ANK2: variants seen among roughly 807,000 people sequenced by gnomAD.
ANK2 encodes ankyrin-2.
In ANK2, 83 loss-of-function variants were observed where a neutral mutation model predicts 360.5. The observed-to-expected ratio is 0.23, with a 90% CI of 0.19 to 0.28. The LOEUF is 0.28. Among genes scored for constraint, ANK2 ranks in the 10% least tolerant of loss-of-function variants. The pLI is 1.00. For missense variants in ANK2, 4,201 were observed against 4,795.7 expected, an observed-to-expected ratio of 0.88 and a Z score of 3.66; for synonymous variants, 1,740 against 1,759.5, an observed-to-expected ratio of 0.99 and a Z score of 0.28.
upstream of ANK2, among the ~76,000 whole-genome samples, chr4:112,813,264 A>T (rs1317104469): frequency 2.6e-5 from 4 of 151,658 alleles, no homozygotes; most frequent in East Asian, 7.7e-4. Flanking sequence ...CAAAAAAAAA[A>T]TCTGGTCATT....
intron 1 of ANK2, among the ~76,000 whole-genome samples, chr4:113,092,062 A>G (rs188656443): frequency 6.6e-6 from 1 of 151,882 alleles, no homozygotes; most frequent in Non-Finnish European, 1.5e-5. Flanking sequence ...TTTCCTTATA[A>G]AACAAAATCA....
chr4:112,951,011 G>A (rs2094931926), intron 2 of ANK2, among the ~76,000 whole-genome samples: 1 of 148,252 alleles, frequency 6.7e-6, no homozygotes, highest in Non-Finnish European at 1.5e-5. Context: ...GAACCCGGGA[G>A]GCGGAGCTTG....
intron 2 of ANK2, among the ~76,000 whole-genome samples, chr4:113,186,586 CTT>C (rs1491225148): frequency 2.1e-3 from 103 of 48,710 alleles, no homozygotes; most frequent in Admixed American, 3.1e-3. Flanking sequence ...CTCTCTCTCT[CTT>C]CTCTCTCTCT....
intron 1 of ANK2, among the ~76,000 whole-genome samples, chr4:113,128,145 T>C (rs559315308): frequency 1.5e-3 from 231 of 152,296 alleles, no homozygotes; most frequent in African/African-American, 5.2e-3. Context: ...TAAATAAAAA[T>C]GTGATCTTTC....
At chr4:113,188,640 C>T (rs536113170) in intron 2 of ANK2, among the ~76,000 whole-genome samples, 1 of 152,214 alleles carries the variant, frequency 6.6e-6, no homozygotes, top group Non-Finnish European at 1.5e-5. Context: ...CCAGAATATG[C>T]TTCTATTAAT....
At chr4:113,205,109 T>G (rs905616911) in intron 4 of ANK2, among the ~76,000 whole-genome samples, 14 of 151,540 alleles carry the variant, frequency 9.2e-5, no homozygotes, top group South Asian at 4.2e-4. Flanking sequence ...AGTGGCGGGC[T>G]CCTGTAGTCC....
At chr4:112,897,018 G>A (rs969496928) in intron 1 of ANK2, among the ~76,000 whole-genome samples, 5 of 152,174 alleles carry the variant, frequency 3.3e-5, no homozygotes, top group East Asian at 1.9e-4. Flanking sequence ...TTCCTTGTCC[G>A]GCGCACTCTC....
In ANK2 at chr4:113,070,674, T is replaced by C. The variant is rs979330523; in HGVS notation, c.84+20862T>C. Among the ~76,000 whole-genome samples, 5 of 152,234 alleles carry C rather than the reference T, an allele frequency of 3.3e-5. No homozygotes were observed. In the East Asian group the frequency reaches 9.7e-4, roughly 29 times the overall value. ...ACTCTTTATTTTGTTGGGTAGCAAC[T>C]ACTCCTGCTTGTTCACCCGACATTA... is the stretch of plus-strand genomic sequence containing the variant. On this transcript the variant is annotated intron_variant, in intron 1 of 45. Coordinates refer to ENST00000357077, the MANE Select transcript of ANK2 (RefSeq NM_001148.6).
rs909970104 is a variant in ANK2 at position 113,317,954 on chromosome 4, T to G, written c.2796+145T>G. 3 of 773,008 alleles carry G rather than the reference T, an allele frequency of 3.9e-6. No individual in the cohort carries two copies. In the African/African-American group the frequency reaches 5.2e-5, roughly 13 times the overall value. 47.9% of individuals were successfully genotyped at this position (773,008 alleles called of 1,614,324 possible). A position where few individuals can be genotyped will look rare whatever the true frequency, so the allele number is the denominator to read the frequency against. On this transcript the variant is annotated intron_variant, in intron 25 of 45. Transcript: ENST00000357077. ...AAGCTAGGATAAGAGATTTGAGGGT[T>G]TTCCTAAAACATGAAAAATGTTCAC...
chr4:112,981,803 A>G (rs2043194556), intron 2 of ANK2, among the ~76,000 whole-genome samples: 2 of 152,220 alleles, frequency 1.3e-5, no homozygotes, highest in African/African-American at 4.8e-5. Context: ...GGAATTTGGA[A>G]TTGTGAAGTA....
chr4:113,240,429 G>A, intron 7 of ANK2, 56 bp from the exon 8 acceptor site: 1 of 1,329,474 alleles, frequency 7.5e-7, no homozygotes, highest in Non-Finnish European at 1.1e-6. Flanking sequence ...TAATACAATG[G>A]CTGCAACATA....
At chr4:112,711,446 C>T in the ANK2 span, among the ~76,000 whole-genome samples, 9 of 151,984 alleles carry the variant, frequency 5.9e-5, no homozygotes, top group Non-Finnish European at 8.8e-5. Flanking sequence ...TTGCTTGAGC[C>T]GGGGAGTTCA....
At chr4:112,795,231 T>A in the ANK2 span, among the ~76,000 whole-genome samples, 1 of 152,284 alleles carries the variant, frequency 6.6e-6, no homozygotes, top group East Asian at 1.9e-4. Flanking sequence ...GCCCCATCCC[T>A]AACACCCACT....
At chr4:112,966,459 G>T (rs1020272547) in intron 2 of ANK2, among the ~76,000 whole-genome samples, 4 of 151,514 alleles carry the variant, frequency 2.6e-5, no homozygotes, top group Admixed American at 6.6e-5. Flanking sequence ...ATGAGTAAGT[G>T]TGTGTGTGTG....
intron 1 of ANK2, among the ~76,000 whole-genome samples, chr4:112,856,637 A>G (rs1266526545): frequency 2.6e-5 from 4 of 152,244 alleles, no homozygotes; most frequent in Non-Finnish European, 5.9e-5. Context: ...CTGAGGCAGG[A>G]GAATCGCTTG....
chr4:112,873,622 C>T (rs565013554), intron 1 of ANK2, among the ~76,000 whole-genome samples: 80 of 150,682 alleles, frequency 5.3e-4, no homozygotes, highest in African/African-American at 1.8e-3. Context: ...CTGCAAGCTC[C>T]GCCTCCCGGG....
chr4:113,237,640 T>C lies in ANK2; in HGVS notation c.693+18T>C. The C allele has an allele frequency of 6.3e-7, 1 of 1,585,710 alleles. No individual in the cohort carries two copies. Among genetic ancestry groups the C allele is most frequent in the Non-Finnish European group, 8.7e-7 (1 of 1,154,246 alleles). ...CAACTGAGGTACAGTATTGTGGTTA[T>C]ACCAAAATTTACCTTGTCTTTATTT... On this transcript the variant is annotated intron_variant, in intron 7 of 45. Transcript: ENST00000357077.
chr4:113,333,071 T>A lies in ANK2; in HGVS notation c.3242T>A (p.Ile1081Asn), dbSNP rs2153942232. 1 of 1,614,184 alleles carries A rather than the reference T, an allele frequency of 6.2e-7. No homozygotes were observed. The highest frequency in any genetic ancestry group is 8.5e-7 in the Non-Finnish European group (1 of 1,180,032). ...TKFLGPVIVE[I>N]PHFAALRGKE... ...TATGTCAGGCCTGTGATCGTGGAGATCCCTCACTTTGCGGCCCTTCGAGGA... is the reference window on the plus strand; with the variant it reads ...TATGTCAGGCCTGTGATCGTGGAGAACCCTCACTTTGCGGCCCTTCGAGGA... The change falls in exon 29 of 46, where the codon ATC (isoleucine) becomes AAC (asparagine). Residue 1081 changes from isoleucine to asparagine, a missense_variant. This residue lies in a region of ANK2 where 1,268 missense variants were observed against 1,650.8 expected (regional missense o/e 0.77). Transcript: ENST00000357077.
At chr4:113,030,486 G>A (rs2154303880) in intron 2 of ANK2, among the ~76,000 whole-genome samples, 1 of 152,060 alleles carries the variant, frequency 6.6e-6, no homozygotes, top group Non-Finnish European at 1.5e-5. Flanking sequence ...GATCTCAAAA[G>A]ATAGAAATAA....
Sources: gnomAD v4.1 joint callset for allele counts (sites outside exome capture counted in the v4.1 genomes callset) on GRCh38, gnomAD v4.1.1 for gene constraint, gnomAD v4.1.1 regional missense constraint, MANE v1.5 for transcripts, NCBI Gene and HGNC (gene_info 2026-07-23, HGNC 2026-07-21) for gene names.